MYT1L: variants seen among roughly 807,000 people sequenced by gnomAD.
MYT1L encodes the protein myelin transcription factor 1 like.
In MYT1L, 12 loss-of-function variants were observed where a neutral mutation model predicts 126.7. The ratio of observed to expected loss-of-function variants is 0.09; its 90% CI spans 0.06 to 0.15. The LOEUF (loss-of-function observed/expected upper bound fraction) is 0.15, where lower values mean the gene tolerates loss of function less well. MYT1L is among the 10% of genes least tolerant of loss of function. The probability of loss-of-function intolerance (pLI) is 1.00; values close to 1 mark genes in which losing one functional copy is unlikely to be tolerated. For missense variants in MYT1L, 979 were observed against 1,585.2 expected, an observed-to-expected ratio of 0.62 and a Z score of 6.49; for synonymous variants, 541 against 604.2, an observed-to-expected ratio of 0.90 and a Z score of 1.53.
rs1487882303 is a variant in MYT1L at position 1,917,764 on chromosome 2, C to T, written c.1484-425G>A. On this transcript the variant is annotated intron_variant, in intron 10 of 24. Coordinates refer to ENST00000647738, the MANE Select transcript of MYT1L (RefSeq NM_001303052.2). The surrounding 1 kb of genome is among the most constrained non-coding windows in gnomAD (Gnocchi z 5.9). ...GAGAGTGTCATTCCATTCAAAAACT[C>T]TTTAGCTGAATTTCTTTCTTATTGA... Among the ~76,000 whole-genome samples, 1 of 152,192 alleles carries T rather than the reference C, an allele frequency of 6.6e-6. No individual in the cohort carries two copies.
intron 3 of MYT1L, among the ~76,000 whole-genome samples, chr2:2,135,267 A>C (rs2082903175): frequency 6.6e-6 from 1 of 152,128 alleles, no homozygotes; most frequent in Admixed American, 6.5e-5. Context: ...ATAGTGAATA[A>C]GTCTCAGGAG....
At chr2:2,136,820 T>C (rs2083117307) in intron 3 of MYT1L, among the ~76,000 whole-genome samples, 1 of 152,134 alleles carries the variant, frequency 6.6e-6, no homozygotes, top group Non-Finnish European at 1.5e-5. Context: ...TTCAACATAG[T>C]GTTGGAAGTT....
intron 13 of MYT1L, among the ~76,000 whole-genome samples, chr2:1,908,352 G>A (rs1315487504): frequency 6.6e-6 from 1 of 152,150 alleles, no homozygotes; most frequent in Non-Finnish European, 1.5e-5. Flanking sequence ...CGAGAGCAGG[G>A]CAGCCTGTAG....
intron 3 of MYT1L, among the ~76,000 whole-genome samples, chr2:2,105,598 G>A (rs894703746): frequency 5.3e-5 from 8 of 152,132 alleles, no homozygotes; most frequent in African/African-American, 1.9e-4. Flanking sequence ...CAGTGGGGCT[G>A]GGTTACTAGT....
intron 4 of MYT1L, among the ~76,000 whole-genome samples, chr2:2,042,791 C>T (rs1476815334): frequency 1.3e-5 from 2 of 152,186 alleles, no homozygotes; most frequent in Admixed American, 6.5e-5. Context: ...CTCAAACGCC[C>T]GGCATGCATC....
At chr2:2,307,685 A>G (rs951565644) in intron 1 of MYT1L, among the ~76,000 whole-genome samples, 2 of 151,976 alleles carry the variant, frequency 1.3e-5, no homozygotes, top group Non-Finnish European at 2.9e-5. Flanking sequence ...ATGCTTCAGC[A>G]TACTGTATCT....
Position 1,912,191 on chromosome 2 carries a change from A to G in MYT1L, c.1619-81T>C. On this transcript the variant is annotated intron_variant, in intron 11 of 24. Coordinates refer to ENST00000647738, the MANE Select transcript of MYT1L (RefSeq NM_001303052.2). The surrounding 1 kb of genome is among the most constrained non-coding windows in gnomAD (Gnocchi z 4.3). The stretch of plus-strand genomic sequence containing the variant: ...GCACATGAAAATGCAGTCATTTAAC[A>G]AAGGCCAGGTCGCTCATGATAGACA... The G allele has an allele frequency of 1.0e-6, 1 of 994,740 alleles. No homozygotes were observed. The highest frequency in any genetic ancestry group is 1.9e-5 in the South Asian group (1 of 53,366). The allele number at this position is 994,740 out of a possible 1,614,324, so 61.6% of individuals were successfully genotyped here.
intron 5 of MYT1L, among the ~76,000 whole-genome samples, chr2:1,993,685 G>A (rs1417169539): frequency 1.3e-5 from 2 of 152,160 alleles, no homozygotes; most frequent in African/African-American, 4.8e-5. Context: ...TGTATTTCCA[G>A]AATAGAGTTT....
At chr2:1,940,723 G>A (rs1453455360) in intron 9 of MYT1L, among the ~76,000 whole-genome samples, 2 of 152,242 alleles carry the variant, frequency 1.3e-5, no homozygotes, top group African/African-American at 4.8e-5. Flanking sequence ...GCCAGCTGCT[G>A]AACATGAATT....
intron 8 of MYT1L, among the ~76,000 whole-genome samples, chr2:1,975,491 G>A (rs1429819260): frequency 6.6e-6 from 1 of 152,254 alleles, no homozygotes; most frequent in African/African-American, 2.4e-5. Context: ...CATTTTGGGA[G>A]GCTGAGGTGG....
At chr2:1,839,125 G>T in intron 21 of MYT1L, 24 bp downstream of exon 21, 1 of 1,581,572 alleles carries the variant, frequency 6.3e-7, no homozygotes, top group Non-Finnish European at 8.6e-7. Context: ...TCCCAGCCAG[G>T]GTCCCGCAGA....
intron 2 of MYT1L, among the ~76,000 whole-genome samples, chr2:2,210,191 T>C (rs1232348105): frequency 6.6e-6 from 1 of 152,178 alleles, no homozygotes; most frequent in Non-Finnish European, 1.5e-5. Context: ...GTCTGATTAT[T>C]GATCCCTTGT....
intron 3 of MYT1L, among the ~76,000 whole-genome samples, chr2:2,080,367 C>T (rs1269877073): frequency 1.3e-5 from 2 of 152,040 alleles, no homozygotes; most frequent in Non-Finnish European, 2.9e-5. Context: ...TGACAAAGGC[C>T]ACCATCATGA....
chr2:2,025,352 G>A (rs911944688), intron 4 of MYT1L, among the ~76,000 whole-genome samples: 3 of 152,178 alleles, frequency 2.0e-5, no homozygotes, highest in African/African-American at 2.4e-5. Context: ...CCTCTCTACT[G>A]TGATTCCCGT....
At chr2:2,116,200 G>A (rs957609564) in intron 3 of MYT1L, among the ~76,000 whole-genome samples, 6 of 152,220 alleles carry the variant, frequency 3.9e-5, no homozygotes, top group Non-Finnish European at 5.9e-5. Flanking sequence ...GGAATGCTGC[G>A]GAGGAGATGC....
At chr2:2,212,965 A>C (rs576004842) in intron 2 of MYT1L, among the ~76,000 whole-genome samples, 2 of 152,236 alleles carry the variant, frequency 1.3e-5, no homozygotes, top group East Asian at 3.9e-4. Context: ...GGAAGAGAGG[A>C]AGAAGGCAAA....
chr2:2,055,084 T>C (rs866905805), intron 3 of MYT1L, among the ~76,000 whole-genome samples: 42 of 152,178 alleles, frequency 2.8e-4, no homozygotes, highest in African/African-American at 9.4e-4. Context: ...TTTAAGAAAA[T>C]TAATGAAATT....
rs749116744 is a variant in MYT1L, at chr2:1,876,521, A to G, written c.2711+10018T>C. Among the ~76,000 whole-genome samples, 48 of 151,606 alleles carry G rather than the reference A, an allele frequency of 3.2e-4. 1 individual carries two copies. The highest frequency in any genetic ancestry group is 5.3e-4 in the Non-Finnish European group (36 of 67,890). ...ATCTGGGGCTCCTGAGCCCGCGCCT[A>G]CCCCTCACCCCGGCAACCTTTCCCC... On this transcript the variant is annotated intron_variant, in intron 18 of 24. Coordinates refer to ENST00000647738, the MANE Select transcript of MYT1L (RefSeq NM_001303052.2).
intron 2 of MYT1L, among the ~76,000 whole-genome samples, chr2:2,215,661 A>G (rs1336688910): frequency 6.6e-6 from 1 of 152,236 alleles, no homozygotes; most frequent in Non-Finnish European, 1.5e-5. Context: ...AAGAGGTTTG[A>G]ACACTATCAA....
Sources: gnomAD v4.1 joint callset for allele counts (sites outside exome capture counted in the v4.1 genomes callset) on GRCh38, gnomAD v4.1.1 for gene constraint, Gnocchi (gnomAD v3.1) non-coding constraint, MANE v1.5 for transcripts, NCBI Gene and HGNC (gene_info 2026-07-23, HGNC 2026-07-21) for gene names.